GTF2H2: variants seen among roughly 807,000 people sequenced by gnomAD.
GTF2H2 encodes the protein TFIIH basal transcription factor complex p44 subunit.
GTF2H2 carries 2 observed loss-of-function variants against 16.5 expected under a neutral mutation model. The observed-to-expected ratio is 0.12, with a 90% CI of 0.05 to 0.38. The LOEUF is 0.38. GTF2H2 is among the 10% of genes least tolerant of loss of function. The probability of loss-of-function intolerance (pLI) is 0.99; values close to 1 mark genes in which losing one functional copy is unlikely to be tolerated. For synonymous variants in GTF2H2, 8 were observed against 44.1 expected (o/e 0.18, Z 3.24); for missense variants, 20 against 137.0 (o/e 0.15, Z 4.26).
chr5:71,052,915 A>ATTGTTTTTTTTTTTTTTTTTTTTTTTTT (rs1752867782), intron 8 of GTF2H2, among the ~76,000 whole-genome samples: 2 of 44,052 alleles, frequency 4.5e-5, no homozygotes, highest in Non-Finnish European at 3.7e-5. Flanking sequence ...TGCCTGGCTA[A>ATTGTTTTTTTTTTTTTTTTTTTTTTTTT]TTTTTTTTTT....
intron 11 of GTF2H2, among the ~76,000 whole-genome samples, chr5:71,046,264 G>A (rs1266357217): frequency 2.0e-5 from 2 of 101,140 alleles, no homozygotes; most frequent in African/African-American, 8.9e-5. Flanking sequence ...ATTCCTAAAG[G>A]ACTCTAATAA....
rs1479637769 is a variant in GTF2H2 at position 71,038,214 on chromosome 5, C to T, written c.1029-668G>A. ...TCCTGGGCTCAAGTGATCCTCCTGC[C>T]TCAGCCTCCTGAGTAGCTGGGACTA... On this transcript the variant is annotated intron_variant, in intron 14 of 15. Transcript: ENST00000274400. Among the ~76,000 whole-genome samples, 4 of 80,026 alleles carry T rather than the reference C, an allele frequency of 5.0e-5. 2 individuals carry two copies. The highest frequency in any genetic ancestry group is 1.0e-4 in the Non-Finnish European group (4 of 38,954). 52.5% of individuals were successfully genotyped at this position (80,026 alleles called of 152,430 possible). A position where few individuals can be genotyped will look rare whatever the true frequency, so the allele number is the denominator to read the frequency against.
Position 71,060,293 on chromosome 5 carries a change from AT to A in GTF2H2, c.259-124del, listed in dbSNP as rs576686194. 6.1e-5 allele frequency: 14 copies of A among 230,222 alleles called. 2 individuals carry two copies. The highest frequency in any genetic ancestry group is 3.9e-4 in the African/African-American group (13 of 33,556). The allele number at this position is 230,222 out of a possible 1,614,324, so 14.3% of individuals were successfully genotyped here. ...CTTCTCATGACTTTTAAACTTACAG[AT>A]TTTCAAAAACTGTTAAGTAATAAAA... On this transcript the variant is annotated intron_variant, in intron 5 of 15. Coordinates refer to ENST00000274400, the Ensembl canonical transcript of GTF2H2.
chr5:71,054,787 T>G (rs1398091628), intron 8 of GTF2H2, among the ~76,000 whole-genome samples: 1 of 138,412 alleles, frequency 7.2e-6, no homozygotes, highest in Non-Finnish European at 1.5e-5. Context: ...TTAACTTATA[T>G]ATGTAAGTTT....
chr5:71,058,039 CCT>C (rs1401014846), intron 7 of GTF2H2: 2 of 123,442 alleles, frequency 1.6e-5, no homozygotes, highest in Non-Finnish European at 3.5e-5. Context: ...ATGGTGAAAT[CCT>C]GTCTCTACTA....
At chr5:71,054,228 C>G (rs1267318395) in intron 8 of GTF2H2, among the ~76,000 whole-genome samples, 3 of 145,506 alleles carry the variant, frequency 2.1e-5, no homozygotes, top group Admixed American at 6.9e-5. Flanking sequence ...CTAAATAGAC[C>G]TTTTTATGCT....
At position 71,052,236 on chromosome 5, in the gene GTF2H2, C is replaced by T. The variant is rs1274678572; in HGVS notation, c.471-3078G>A. Reference sequence around the variant, plus strand: ...GGGCTAAAGTGCAATGGCGCGATCTCGGCTCACTGCAACCTCTGCCTCCTG... The same window carrying T: ...GGGCTAAAGTGCAATGGCGCGATCTTGGCTCACTGCAACCTCTGCCTCCTG... On this transcript the variant is annotated intron_variant, in intron 8 of 15. Coordinates refer to ENST00000274400, the Ensembl canonical transcript of GTF2H2. Among the ~76,000 whole-genome samples the T allele has an allele frequency of 2.9e-5, 4 of 138,016 alleles. 1 individual carries two copies. Among genetic ancestry groups the T allele is most frequent in the Admixed American group, 7.4e-5 (1 of 13,548 alleles). The allele number at this position is 138,016 out of a possible 152,430, so 90.5% of individuals were successfully genotyped here. A position where few individuals can be genotyped will look rare whatever the true frequency, so the allele number is the denominator to read the frequency against.
intron 8 of GTF2H2, 86 bp downstream of exon 8, chr5:71,055,266 T>C: frequency 7.5e-7 from 1 of 1,336,510 alleles, no homozygotes; most frequent in Non-Finnish European, 1.0e-6. Context: ...TATAGCTGGG[T>C]TTATGGGCCC....
At chr5:71,046,084 T>C (rs1474089768) in intron 11 of GTF2H2, among the ~76,000 whole-genome samples, 4 of 135,926 alleles carry the variant, frequency 2.9e-5, no homozygotes, top group Non-Finnish European at 6.2e-5. Context: ...TTGTTTTCCA[T>C]ATACAATTTT....
In GTF2H2 at chr5:71,052,923, T is replaced by G. The variant is rs1159387155; in HGVS notation, c.470+2429A>C. ...GCCACTGTGCCTGGCTAATTTTTTT[T>G]TTTTTTTTTTTTTTTTTTTTTTTTT... On this transcript the variant is annotated intron_variant, in intron 8 of 15. Coordinates refer to ENST00000274400, the Ensembl canonical transcript of GTF2H2. Among the ~76,000 whole-genome samples, 155 of 95,654 alleles carry G rather than the reference T, an allele frequency of 1.6e-3. 5 individuals are homozygous for G. Among genetic ancestry groups the G allele is most frequent in the African/African-American group, 2.7e-3 (58 of 21,706 alleles). The allele number at this position is 95,654 out of a possible 152,430, so 62.8% of individuals were successfully genotyped here.
rs1018362463 is a variant in GTF2H2, at chr5:71,055,238, T to C, written c.470+114A>G. 9.5e-5 allele frequency: 101 copies of C among 1,063,656 alleles called. 7 individuals carry two copies. Among genetic ancestry groups the C allele is most frequent in the African/African-American group, 5.2e-4 (29 of 55,648 alleles). 65.9% of individuals were successfully genotyped at this position (1,063,656 alleles called of 1,614,324 possible). ...ATCATAAATAACACTACATAATTCT[T>C]GTACTTAACAATTTTGTTATAGCTG... On this transcript the variant is annotated intron_variant, in intron 8 of 15. Coordinates refer to ENST00000274400, the Ensembl canonical transcript of GTF2H2.
intron 14 of GTF2H2, among the ~76,000 whole-genome samples, chr5:71,037,919 C>A (rs1751832166): frequency 1.8e-5 from 1 of 54,644 alleles, no homozygotes. Context: ...TTGCAGTGAG[C>A]CGAGATGGTG....
intron 7 of GTF2H2, chr5:71,058,018 GC>G (rs1170646870): frequency 6.9e-5 from 8 of 115,208 alleles, no homozygotes; most frequent in Non-Finnish European, 1.1e-4. Context: ...TTCGAGATCA[GC>G]CTGGCCAGCA....
Position 71,054,693 on chromosome 5 carries a change from GA to G in GTF2H2, c.470+658del, listed in dbSNP as rs985521171. Among the ~76,000 whole-genome samples, 10 of 130,218 alleles carry G rather than the reference GA, an allele frequency of 7.7e-5. No homozygotes were observed. The East Asian group carries it at 1.7e-3, about 22-fold the overall frequency. The allele number at this position is 130,218 out of a possible 152,430, so 85.4% of individuals were successfully genotyped here. On this transcript the variant is annotated intron_variant, in intron 8 of 15. Transcript: ENST00000274400. The stretch of plus-strand genomic sequence containing the variant: ...GGGTGACAGAGCAAGACTCTGTCTC[GA>G]AAAAAAATATATATATACGTGTGTG...
At chr5:71,058,143 G>A (rs1430281282) in intron 7 of GTF2H2, 2 of 140,930 alleles carry the variant, frequency 1.4e-5, no homozygotes, top group Non-Finnish European at 3.1e-5. Flanking sequence ...CCGGGAGGCG[G>A]AGGTTGCAGT....
intron 8 of GTF2H2, among the ~76,000 whole-genome samples, chr5:71,052,927 T>G (rs1438318653): frequency 5.8e-5 from 6 of 103,534 alleles, no homozygotes; most frequent in African/African-American, 1.7e-4. Context: ...TTTTTTTTTT[T>G]TTTTTTTTTT....
At chr5:71,058,587 C>T (rs2150204166) in intron 7 of GTF2H2, 1 of 127,236 alleles carries the variant, frequency 7.9e-6, no homozygotes, top group Non-Finnish European at 1.7e-5. Context: ...AAGCCAGGAC[C>T]CCAACATATG....
chr5:71,039,528 T>C (rs1751945943), intron 14 of GTF2H2, among the ~76,000 whole-genome samples: 2 of 141,162 alleles, frequency 1.4e-5, no homozygotes, highest in African/African-American at 2.7e-5. Flanking sequence ...CTTTGAACTA[T>C]GTCTTTGATG....
At chr5:71,058,200 C>CA (rs60009913) in intron 7 of GTF2H2, 2,637 of 63,332 alleles carry the variant, frequency 0.042, 164 homozygotes, top group African/African-American at 0.072. Context: ...GACTCCTTCT[C>CA]AAAAAAAAAA....
Sources: gnomAD v4.1 joint callset for allele counts (sites outside exome capture counted in the v4.1 genomes callset) on GRCh38, gnomAD v4.1.1 for gene constraint, MANE v1.5 for transcripts, NCBI Gene and HGNC (gene_info 2026-07-23, HGNC 2026-07-21) for gene names.